The following DAB2IP variants were observed in gnomAD, a reference collection of about 807,000 sequenced individuals.
The protein encoded by DAB2IP is DAB2 interacting protein.
A neutral mutation model predicts 107.2 loss-of-function variants in DAB2IP; 28 were observed. That is an observed-to-expected ratio of 0.26 (90% CI 0.19 to 0.36). The LOEUF (loss-of-function observed/expected upper bound fraction) is 0.36, where lower values mean the gene tolerates loss of function less well. Ranked by LOEUF, DAB2IP falls within the 10% of genes least tolerant of loss-of-function variation. The probability of loss-of-function intolerance (pLI) is 1.00; values close to 1 mark genes in which losing one functional copy is unlikely to be tolerated. For missense variants in DAB2IP, 1,400 were observed against 1,644.7 expected, an observed-to-expected ratio of 0.85 and a Z score of 2.57; for synonymous variants, 755 against 706.4, an observed-to-expected ratio of 1.07 and a Z score of -1.09.
At chr9:121,579,707 G>A (rs190022592) in intron 1 of DAB2IP, among the ~76,000 whole-genome samples, 2 of 152,286 alleles carry the variant, frequency 1.3e-5, no homozygotes, top group East Asian at 3.9e-4. Flanking sequence ...CAGTCCACAT[G>A]CCTGTCTCTG....
chr9:121,781,655 A>G (rs770111477), intron 15 of DAB2IP, 104 bp downstream of exon 15: 46 of 1,180,008 alleles, frequency 3.9e-5, no homozygotes, highest in Non-Finnish European at 5.0e-5. Context: ...GCAGACACTG[A>G]GGGGAATAAG....
At chr9:121,628,100 T>C (rs1030961924) in intron 1 of DAB2IP, among the ~76,000 whole-genome samples, 1 of 152,262 alleles carries the variant, frequency 6.6e-6, no homozygotes. Context: ...GCAGAGGTTG[T>C]GGTTCTTGCC....
At chr9:121,764,036 C>T (rs776317190) in intron 8 of DAB2IP, among the ~76,000 whole-genome samples, 157 bp downstream of exon 8, 6 of 152,232 alleles carry the variant, frequency 3.9e-5, no homozygotes, top group Non-Finnish European at 5.9e-5. Flanking sequence ...GGTGGGGCAG[C>T]GTTCAGCATG....
At chr9:121,710,867 A>G (rs1830307166) in intron 3 of DAB2IP, among the ~76,000 whole-genome samples, 1 of 152,214 alleles carries the variant, frequency 6.6e-6, no homozygotes, top group African/African-American at 2.4e-5. Flanking sequence ...TGCAGGCCAC[A>G]CTGCCCTGGT....
intron 1 of DAB2IP, among the ~76,000 whole-genome samples, chr9:121,567,634 AG>A (rs1438771837): frequency 6.6e-6 from 1 of 152,228 alleles, no homozygotes; most frequent in African/African-American, 2.4e-5. Flanking sequence ...AAGAGGCAAC[AG>A]GAACATACCT....
intron 3 of DAB2IP, among the ~76,000 whole-genome samples, chr9:121,727,440 G>A (rs936610091): frequency 6.6e-6 from 1 of 152,254 alleles, no homozygotes; most frequent in African/African-American, 2.4e-5. Context: ...AGGCGCCAGC[G>A]TGCCTTAGCA....
At chr9:121,614,168 T>C (rs1831185548) in intron 1 of DAB2IP, among the ~76,000 whole-genome samples, 1 of 152,134 alleles carries the variant, frequency 6.6e-6, no homozygotes. Flanking sequence ...GCCTGGCACA[T>C]GGTAAGCACT....
chr9:121,589,198 G>A (rs1830373084), intron 1 of DAB2IP, among the ~76,000 whole-genome samples: 1 of 152,174 alleles, frequency 6.6e-6, no homozygotes, highest in South Asian at 2.1e-4. Context: ...AGAGGGGCCA[G>A]TAAGGTCGCT....
intron 2 of DAB2IP, among the ~76,000 whole-genome samples, chr9:121,687,548 G>T (rs1828941903): frequency 6.6e-6 from 1 of 152,190 alleles, no homozygotes; most frequent in Non-Finnish European, 1.5e-5. Flanking sequence ...GCAGGGTGGT[G>T]GTCAGAGCTT....
At chr9:121,709,944 G>A (rs577263137) in intron 3 of DAB2IP, among the ~76,000 whole-genome samples, 9 of 152,058 alleles carry the variant, frequency 5.9e-5, no homozygotes, top group African/African-American at 4.8e-5. Flanking sequence ...CATCCTATGC[G>A]CCAGGCCCTG....
chr9:121,689,698 T>C (rs914253219), intron 2 of DAB2IP, among the ~76,000 whole-genome samples: 7 of 152,210 alleles, frequency 4.6e-5, no homozygotes, highest in African/African-American at 4.8e-5. Context: ...AGAAGCTCCC[T>C]GTGGCCCAGC....
At chr9:121,631,326 G>T (rs1831870532) in intron 1 of DAB2IP, among the ~76,000 whole-genome samples, 1 of 152,174 alleles carries the variant, frequency 6.6e-6, no homozygotes, top group Admixed American at 6.5e-5. Context: ...CATGGAGGAG[G>T]TGGCATTGGA....
intron 3 of DAB2IP, among the ~76,000 whole-genome samples, chr9:121,741,097 T>C (rs555891159): frequency 6.6e-6 from 1 of 152,206 alleles, no homozygotes; most frequent in East Asian, 1.9e-4. Flanking sequence ...TCCTTCTGCC[T>C]CCCACCCACC....
Position 121,676,306 on chromosome 9 carries a change from C to T in DAB2IP, c.125-2372C>T, listed in dbSNP as rs1192424137. 2.0e-5 allele frequency among the ~76,000 whole-genome samples: 3 copies of T among 152,220 alleles called. No individual in the cohort carries two copies. In the East Asian group the frequency reaches 5.8e-4, roughly 29 times the overall value. Reference sequence around the variant, plus strand: ...GCATCCTGTTCTGCCTTCTGGAAAGCCTGCTCCTTGTGTGAACCCCATGTC... The same window carrying T: ...GCATCCTGTTCTGCCTTCTGGAAAGTCTGCTCCTTGTGTGAACCCCATGTC... On this transcript the variant is annotated intron_variant, in intron 1 of 15. Transcript: ENST00000408936.
chr9:121,630,507 A>G (rs1831835167), intron 1 of DAB2IP, among the ~76,000 whole-genome samples: 1 of 147,676 alleles, frequency 6.8e-6, no homozygotes, highest in African/African-American at 2.6e-5. Flanking sequence ...CCTGGTCAAC[A>G]GAGCAAGACT....
intron 15 of DAB2IP, 78 bp downstream of exon 15, chr9:121,781,629 TCA>T: frequency 7.1e-7 from 1 of 1,406,444 alleles, no homozygotes; most frequent in Middle Eastern, 1.8e-4. Flanking sequence ...CTCTCCATCC[TCA>T]GTCATACCTC....
At chr9:121,589,977 TCC>T (rs1830393692) in intron 1 of DAB2IP, among the ~76,000 whole-genome samples, 1 of 89,874 alleles carries the variant, frequency 1.1e-5, no homozygotes. Flanking sequence ...TCCCTTCCCT[TCC>T]CTTCCCTTCC....
intron 3 of DAB2IP, among the ~76,000 whole-genome samples, chr9:121,728,826 G>T (rs1361517516): frequency 6.7e-6 from 1 of 150,046 alleles, no homozygotes; most frequent in Non-Finnish European, 1.5e-5. Context: ...GGGAGGGGGG[G>T]ACAGCCAGGG....
At position 121,760,168 on chromosome 9, in the gene DAB2IP, C is replaced by T. The variant is rs369573008; in HGVS notation, c.899C>T (p.Ser300Leu). The stretch of plus-strand genomic sequence containing the variant: ...GGCCTGGTGAGCCTACCTGCTGCCT[C>T]GGTGGCCGGGCGGCAGTTCGTGGAG... Residue 300 changes from serine (S) to leucine (L), a missense_variant, in exon 6 of 16, where the codon TCG becomes TTG. Around this residue, in one of 3 missense-constraint regions of DAB2IP, gnomAD observed 517 missense variants for 748.6 expected, o/e 0.69. Transcript: ENST00000408936. This position sits in a 1 kb window ranked among gnomAD's most constrained non-coding sequence, Gnocchi z 5.9. 6.1e-5 allele frequency: 98 copies of T among 1,613,672 alleles called. No homozygotes were observed. Among genetic ancestry groups the T allele is most frequent in the South Asian group, 1.2e-4 (11 of 91,090 alleles).
Sources: allele counts gnomAD v4.1 joint callset (sites outside exome capture counted in the v4.1 genomes callset), GRCh38; gene constraint gnomAD v4.1.1; regional missense constraint gnomAD v4.1.1; non-coding constraint Gnocchi (gnomAD v3.1); transcripts MANE v1.5; gene names NCBI Gene and HGNC (gene_info 2026-07-23, HGNC 2026-07-21).